WDR70: variants seen among roughly 807,000 people sequenced by gnomAD.
WDR70 encodes WD repeat domain 70.
In WDR70, 53 loss-of-function variants were observed where a neutral mutation model predicts 88.6. That is an observed-to-expected ratio of 0.60 (90% CI 0.48 to 0.75). WDR70 has a LOEUF of 0.75. Ranked by LOEUF, WDR70 falls within the 30% of genes least tolerant of loss-of-function variation. The pLI, the probability that WDR70 is intolerant of heterozygous loss-of-function variation, is 0.00. For missense variants in WDR70, 610 were observed against 823.2 expected, an observed-to-expected ratio of 0.74 and a Z score of 3.17; for synonymous variants, 280 against 270.0, an observed-to-expected ratio of 1.04 and a Z score of -0.36.
At position 37,426,553 on chromosome 5, in the gene WDR70, T is replaced by G. The variant is rs552898106; in HGVS notation, c.493-11369T>G. ...AGCATATAGCATGTTCACCACGGCC[T>G]TACTTACATAGCGGGTGCCTTGGTG... is the stretch of plus-strand genomic sequence containing the variant. On this transcript the variant is annotated intron_variant, in intron 5 of 17. Coordinates refer to ENST00000265107, the MANE Select transcript of WDR70 (RefSeq NM_018034.4). Among the ~76,000 whole-genome samples the G allele has an allele frequency of 9.8e-5, 15 of 152,296 alleles. 1 individual carries two copies. In the South Asian group the frequency reaches 3.1e-3, roughly 32 times the overall value.
At chr5:37,734,111 A>G (rs1370599972) in intron 17 of WDR70, among the ~76,000 whole-genome samples, 1 of 152,062 alleles carries the variant, frequency 6.6e-6, no homozygotes, top group Non-Finnish European at 1.5e-5. Context: ...ATATGCAAGT[A>G]GTAAGTGTAC....
intron 10 of WDR70, among the ~76,000 whole-genome samples, chr5:37,677,136 T>G (rs1746252550): frequency 6.6e-6 from 1 of 152,306 alleles, no homozygotes; most frequent in Non-Finnish European, 1.5e-5. Context: ...TTCTTCTTTA[T>G]TAGTCTTGCT....
chr5:37,395,877 T>C (rs1748996259), intron 4 of WDR70, among the ~76,000 whole-genome samples: 1 of 152,222 alleles, frequency 6.6e-6, no homozygotes, highest in South Asian at 2.1e-4. Flanking sequence ...CATGGCTCAC[T>C]GTAGCCTTGA....
At chr5:37,610,797 A>G (rs1744170707) in intron 10 of WDR70, among the ~76,000 whole-genome samples, 4 of 152,204 alleles carry the variant, frequency 2.6e-5, no homozygotes, top group Admixed American at 2.6e-4. Flanking sequence ...GGCTTCTGAA[A>G]GGTGCACAGT....
At chr5:37,643,034 T>C (rs1309674714) in intron 10 of WDR70, among the ~76,000 whole-genome samples, 1 of 152,140 alleles carries the variant, frequency 6.6e-6, no homozygotes, top group Non-Finnish European at 1.5e-5. Flanking sequence ...TTACCTATGC[T>C]TGTGGGGTAT....
At chr5:37,488,573 CT>C (rs1739967546) in intron 8 of WDR70, among the ~76,000 whole-genome samples, 1 of 144,656 alleles carries the variant, frequency 6.9e-6, no homozygotes, top group African/African-American at 2.5e-5. Flanking sequence ...CTTTCTTGTG[CT>C]TGATCTAGTC....
At chr5:37,609,431 A>T (rs183316228) in intron 10 of WDR70, among the ~76,000 whole-genome samples, 3 of 152,248 alleles carry the variant, frequency 2.0e-5, no homozygotes, top group Admixed American at 2.0e-4. Flanking sequence ...TCAGGAATCT[A>T]CAATATACTA....
intron 5 of WDR70, among the ~76,000 whole-genome samples, chr5:37,400,211 G>A (rs1186313109): frequency 6.6e-6 from 1 of 152,134 alleles, no homozygotes. Context: ...TGGGATTACA[G>A]GTGTGAGCCA....
chr5:37,456,336 C>T (rs1380464359), intron 7 of WDR70, among the ~76,000 whole-genome samples: 2 of 152,100 alleles, frequency 1.3e-5, no homozygotes, highest in Admixed American at 6.6e-5. Flanking sequence ...ATTTGAATTT[C>T]CCTGATGATT....
intron 5 of WDR70, among the ~76,000 whole-genome samples, chr5:37,400,094 G>T (rs796934852): frequency 4.6e-5 from 7 of 152,046 alleles, no homozygotes; most frequent in African/African-American, 1.7e-4. Context: ...CACCACGCCT[G>T]GCTAATTTTT....
At chr5:37,520,612 G>T (rs751071842) in intron 9 of WDR70, among the ~76,000 whole-genome samples, 1 of 152,034 alleles carries the variant, frequency 6.6e-6, no homozygotes, top group Non-Finnish European at 1.5e-5. Context: ...TTTATTCTAG[G>T]ATGTAAGGAT....
At chr5:37,599,695 C>T (rs1176509237) in intron 9 of WDR70, among the ~76,000 whole-genome samples, 1 of 151,924 alleles carries the variant, frequency 6.6e-6, no homozygotes, top group Non-Finnish European at 1.5e-5. Flanking sequence ...AGTTTGAGAC[C>T]AGCCTGGCCA....
intron 11 of WDR70, among the ~76,000 whole-genome samples, chr5:37,699,719 A>C (rs1333973345): frequency 2.0e-5 from 3 of 152,056 alleles, no homozygotes; most frequent in Non-Finnish European, 4.4e-5. Flanking sequence ...AGGCCGAGGC[A>C]GGTGGATCAC....
intron 17 of WDR70, among the ~76,000 whole-genome samples, chr5:37,729,865 C>G (rs537920446): frequency 6.6e-6 from 1 of 152,268 alleles, no homozygotes; most frequent in East Asian, 1.9e-4. Flanking sequence ...CATTCCTGCT[C>G]CCTTTTCCTA....
rs149539996 is a variant in WDR70, at chr5:37,704,621, A to C, written c.1416+1534A>C. 3.9e-4 allele frequency among the ~76,000 whole-genome samples: 60 copies of C among 152,326 alleles called. No individual in the cohort carries two copies. In the East Asian group the frequency reaches 0.011, roughly 27 times the overall value. ...TTGGTTTCGTCTGTCTTCTTCTACC[A>C]GGATGTAAGTCACACAGGGCGGAAA... On this transcript the variant is annotated intron_variant, in intron 13 of 17. Coordinates refer to ENST00000265107, the MANE Select transcript of WDR70 (RefSeq NM_018034.4).
intron 7 of WDR70, among the ~76,000 whole-genome samples, chr5:37,457,906 T>G (rs2112096985): frequency 6.6e-6 from 1 of 151,566 alleles, no homozygotes; most frequent in East Asian, 2.0e-4. Context: ...CTTGTGCCAG[T>G]TTTCAAAGGG....
Position 37,663,212 on chromosome 5 carries a change from A to G in WDR70, c.1093-34443A>G, listed in dbSNP as rs374715309. Reference sequence around the variant, plus strand: ...GGTTTTAGTTTTGTAATAGAGCATTACAAAAGTTAAAGTTGCATTATACTG... The same window carrying G: ...GGTTTTAGTTTTGTAATAGAGCATTGCAAAAGTTAAAGTTGCATTATACTG... On this transcript the variant is annotated intron_variant, in intron 10 of 17. Transcript: ENST00000265107. 1.4e-4 allele frequency among the ~76,000 whole-genome samples: 22 copies of G among 152,358 alleles called. 2 individuals carry two copies. The highest frequency in any genetic ancestry group is 4.3e-4 in the African/African-American group (18 of 41,586).
intron 5 of WDR70, among the ~76,000 whole-genome samples, chr5:37,404,973 G>A (rs185026236): frequency 6.6e-6 from 1 of 152,176 alleles, no homozygotes; most frequent in African/African-American, 2.4e-5. Flanking sequence ...GGTGAGATGG[G>A]GTCCCTCCTA....
rs1739729048 is a variant in WDR70, at chr5:37,483,206, A to C, written c.840+3219A>C. ...TGGAGGGAAGATCAGCAGATAAACAAGTGAACAAAGGTCTCTGGTTTTCCT... is the reference window on the plus strand; with the variant it reads ...TGGAGGGAAGATCAGCAGATAAACACGTGAACAAAGGTCTCTGGTTTTCCT... On this transcript the variant is annotated intron_variant, in intron 8 of 17. Transcript: ENST00000265107. 2.0e-5 allele frequency among the ~76,000 whole-genome samples: 3 copies of C among 151,518 alleles called. 1 individual carries two copies. The South Asian group carries it at 6.3e-4, about 32-fold the overall frequency.
Sources: gnomAD v4.1 joint callset for allele counts (sites outside exome capture counted in the v4.1 genomes callset) on GRCh38, gnomAD v4.1.1 for gene constraint, MANE v1.5 for transcripts, NCBI Gene and HGNC (gene_info 2026-07-23, HGNC 2026-07-21) for gene names.